Variants in STRIP2 observed in about 807,000 individuals in gnomAD.
The protein encoded by STRIP2 is striatin interacting protein 2, also known as striatin-interacting protein 2.
In STRIP2, 84 loss-of-function variants were observed where a neutral mutation model predicts 107.1. That is an observed-to-expected ratio of 0.78 (90% CI 0.66 to 0.94). The LOEUF (loss-of-function observed/expected upper bound fraction) is 0.94, where lower values mean the gene tolerates loss of function less well. Ranked by LOEUF, STRIP2 falls within the 40% of genes least tolerant of loss-of-function variation. STRIP2 has a pLI of 0.00. For synonymous variants in STRIP2, 394 were observed against 400.4 expected (o/e 0.98, Z 0.19); for missense variants, 888 against 1,034.2 (o/e 0.86, Z 1.94).
chr7:129,448,851 A>G (rs1375903536), intron 3 of STRIP2, among the ~76,000 whole-genome samples: 1 of 152,206 alleles, frequency 6.6e-6, no homozygotes, highest in Non-Finnish European at 1.5e-5. Context: ...GGAGAAAAGC[A>G]ATTACAGGAC....
chr7:129,485,695 G>A lies in STRIP2; in HGVS notation c.2371G>A (p.Asp791Asn). Residue 791 changes from aspartate to asparagine, a missense_variant, in exon 21 of 21, where the codon GAT (aspartate) becomes AAT (asparagine). Physicochemically the swap from Asp to Asn is conservative, Grantham distance 23. Transcript: ENST00000249344. ...RPQDSEFSPV[D>N]NCLQSVLGQR... ...CCAGGACTCTGAGTTTTCACCTGTG[G>A]ATAACTGCTTGCAGAGCGTACTGGG... 1 of 1,614,106 alleles carries A rather than the reference G, an allele frequency of 6.2e-7. No homozygotes were observed. Among genetic ancestry groups the A allele is most frequent in the Non-Finnish European group, 8.5e-7 (1 of 1,180,036 alleles).
intron 11 of STRIP2, 81 bp from the exon 12 acceptor site, chr7:129,459,436 G>A (rs1034451220): frequency 1.6e-6 from 2 of 1,230,006 alleles, no homozygotes; most frequent in Non-Finnish European, 1.2e-6. Flanking sequence ...AGCATGGTCT[G>A]TTGACTCTAG....
intron 19 of STRIP2, 121 bp downstream of exon 19, chr7:129,481,010 A>C: frequency 1.5e-6 from 1 of 668,628 alleles, no homozygotes; most frequent in Non-Finnish European, 2.6e-6. Flanking sequence ...AATGCTACAT[A>C]AGATTTAGCA....
At chr7:129,463,526 C>T (rs558515710) in intron 14 of STRIP2, among the ~76,000 whole-genome samples, 9 of 150,938 alleles carry the variant, frequency 6.0e-5, no homozygotes, top group Admixed American at 3.3e-4. Flanking sequence ...AGTGGAGTCT[C>T]ACTCTGTCGC....
chr7:129,482,588 G>C (rs1051469448), intron 19 of STRIP2, among the ~76,000 whole-genome samples: 1 of 151,834 alleles, frequency 6.6e-6, no homozygotes, highest in African/African-American at 2.4e-5. Context: ...ATGTTGGCCA[G>C]GGTGGTCTCA....
intron 3 of STRIP2, among the ~76,000 whole-genome samples, chr7:129,446,839 C>T (rs1003575456): frequency 1.3e-5 from 2 of 152,160 alleles, no homozygotes; most frequent in East Asian, 1.9e-4. Flanking sequence ...CTGCTGTGCA[C>T]GACCCACTTT....
rs563110441 is a variant in STRIP2 at position 129,458,513 on chromosome 7, G to C, written c.1274+63G>C. 1.8e-4 allele frequency: 246 copies of C among 1,394,952 alleles called. No individual in the cohort carries two copies. The highest frequency in any genetic ancestry group is 4.5e-4 in the South Asian group (32 of 71,838). The allele number at this position is 1,394,952 out of a possible 1,614,324, so 86.4% of individuals were successfully genotyped here. On this transcript the variant is annotated intron_variant, in intron 10 of 20. Coordinates refer to ENST00000249344, the MANE Select transcript of STRIP2 (RefSeq NM_020704.3). This position sits in a 1 kb window ranked among gnomAD's most constrained non-coding sequence, Gnocchi z 4.6. ...GTTTCAGTCTCCAAAGGCCCAAGAT[G>C]GGGTAGTCTATGTATTCAAGGCTCG...
In STRIP2 at chr7:129,440,160, C is replaced by A. The variant is rs62479488; in HGVS notation, c.199+69C>A. 8,631 of 1,355,446 alleles carry A rather than the reference C, an allele frequency of 6.4e-3. 49 individuals are homozygous for A. The highest frequency in any genetic ancestry group is 7.3e-3 in the Non-Finnish European group (6,862 of 946,428). The allele number at this position is 1,355,446 out of a possible 1,614,324, so 84.0% of individuals were successfully genotyped here. A position where few individuals can be genotyped will look rare whatever the true frequency, so the allele number is the denominator to read the frequency against. Reference sequence around the variant, plus strand: ...AGGAGAGGGAAGGGGCCTGTGATCTCCCTGGAAGCTTGTCTGTTCTCACCA... The same window carrying A: ...AGGAGAGGGAAGGGGCCTGTGATCTACCTGGAAGCTTGTCTGTTCTCACCA... On this transcript the variant is annotated intron_variant, in intron 2 of 20. Transcript: ENST00000249344.
At chr7:129,440,207 G>A in intron 2 of STRIP2, 116 bp downstream of exon 2, 1 of 804,018 alleles carries the variant, frequency 1.2e-6, no homozygotes, top group Non-Finnish European at 2.1e-6. Context: ...AACAAAGGCT[G>A]TTCTCCACAT....
chr7:129,475,079 A>G (rs1387568656), intron 18 of STRIP2, among the ~76,000 whole-genome samples: 3 of 152,224 alleles, frequency 2.0e-5, no homozygotes. Flanking sequence ...CAATCCACTA[A>G]ACTAGGAAAA....
At position 129,483,171 on chromosome 7, in the gene STRIP2, A is replaced by G. The variant is rs1217524781; in HGVS notation, c.2254+125A>G. 6 of 1,466,972 alleles carry G rather than the reference A, an allele frequency of 4.1e-6. No individual in the cohort carries two copies. Among genetic ancestry groups the G allele is most frequent in the Non-Finnish European group, 4.5e-6 (5 of 1,109,402 alleles). The allele number at this position is 1,466,972 out of a possible 1,614,324, so 90.9% of individuals were successfully genotyped here. A position where few individuals can be genotyped will look rare whatever the true frequency, so the allele number is the denominator to read the frequency against. ...ATTTTAGATGAAAAAATATGTGATT[A>G]TAGGTCAGGCGCTGATACACCAAAC... On this transcript the variant is annotated intron_variant, in intron 20 of 20. Coordinates refer to ENST00000249344, the MANE Select transcript of STRIP2 (RefSeq NM_020704.3). This position sits in a 1 kb window ranked among gnomAD's most constrained non-coding sequence, Gnocchi z 5.1.
rs771692505 is a variant in STRIP2, at chr7:129,461,837, TGA to T, written c.1477-1124_1477-1123del. Among the ~76,000 whole-genome samples the T allele has an allele frequency of 6.6e-6, 1 of 152,174 alleles. No individual in the cohort carries two copies. The highest frequency in any genetic ancestry group is 1.5e-5 in the Non-Finnish European group (1 of 68,036). On this transcript the variant is annotated intron_variant, in intron 13 of 20. Coordinates refer to ENST00000249344, the MANE Select transcript of STRIP2 (RefSeq NM_020704.3). This position sits in a 1 kb window ranked among gnomAD's most constrained non-coding sequence, Gnocchi z 4.0. ...GGTCAAGGGGAGGATGTTTTATAGC[TGA>T]GAGATACTAGAGCATTTTTTGTTTC...
chr7:129,447,681 T>C (rs749617817), intron 3 of STRIP2, among the ~76,000 whole-genome samples: 6 of 152,240 alleles, frequency 3.9e-5, no homozygotes, highest in Non-Finnish European at 8.8e-5. Flanking sequence ...AAATTGCTTC[T>C]GGCGGGCCTT....
At position 129,458,171 on chromosome 7, in the gene STRIP2, G is replaced by A; in HGVS notation, c.1039-44G>A. 1 of 1,509,696 alleles carries A rather than the reference G, an allele frequency of 6.6e-7. No individual in the cohort carries two copies. Among genetic ancestry groups the A allele is most frequent in the South Asian group, 1.1e-5 (1 of 87,372 alleles). The allele number at this position is 1,509,696 out of a possible 1,614,324, so 93.5% of individuals were successfully genotyped here. On this transcript the variant is annotated intron_variant, in intron 9 of 20. Coordinates refer to ENST00000249344, the MANE Select transcript of STRIP2 (RefSeq NM_020704.3). This position sits in a 1 kb window ranked among gnomAD's most constrained non-coding sequence, Gnocchi z 4.6. ...GGGTGGCCTCAGACAAGGATGCCCA[G>A]AGTGAGATCTCTGCATGCCTACCCT... is the stretch of plus-strand genomic sequence containing the variant.
In STRIP2 at chr7:129,462,401, C is replaced by G. The variant is rs760539167; in HGVS notation, c.1477-565C>G. On this transcript the variant is annotated intron_variant, in intron 13 of 20. Transcript: ENST00000249344. ...CAGTGGCCTGAGCAGCTTATTGGGT[C>G]CCTGAGACCCCAGCCTCCCCACTCT... is the stretch of plus-strand genomic sequence containing the variant. Among the ~76,000 whole-genome samples, 71 of 152,166 alleles carry G rather than the reference C, an allele frequency of 4.7e-4. 2 individuals carry two copies. The highest frequency in any genetic ancestry group is 5.9e-5 in the Non-Finnish European group (4 of 68,028).
Position 129,458,788 on chromosome 7 carries a change from G to T in STRIP2, c.1340+11G>T. On this transcript the variant is annotated intron_variant, in intron 11 of 20. Coordinates refer to ENST00000249344, the MANE Select transcript of STRIP2 (RefSeq NM_020704.3). This position sits in a 1 kb window ranked among gnomAD's most constrained non-coding sequence, Gnocchi z 4.6. The stretch of plus-strand genomic sequence containing the variant: ...ATTCACCCTGGGGCAGTAAGTGACT[G>T]AATGGCTGGAACTGGCTACAGAGTG... 1 of 1,614,018 alleles carries T rather than the reference G, an allele frequency of 6.2e-7. No individual in the cohort carries two copies. The highest frequency in any genetic ancestry group is 8.5e-7 in the Non-Finnish European group (1 of 1,179,884).
chr7:129,479,048 G>A (rs1799047649), intron 18 of STRIP2, among the ~76,000 whole-genome samples: 1 of 152,184 alleles, frequency 6.6e-6, no homozygotes, highest in Admixed American at 6.5e-5. Flanking sequence ...GCTGAGGGAG[G>A]TGGATCACCT....
intron 17 of STRIP2, among the ~76,000 whole-genome samples, chr7:129,470,002 C>T (rs748101239): frequency 2.0e-5 from 3 of 152,216 alleles, no homozygotes; most frequent in Non-Finnish European, 4.4e-5. Context: ...TAACTATGTC[C>T]TTGTCATAAT....
chr7:129,477,215 A>AGGGAGAGGGAGT (rs1798992545), intron 18 of STRIP2, among the ~76,000 whole-genome samples: 1 of 107,506 alleles, frequency 9.3e-6, no homozygotes, highest in African/African-American at 4.1e-5. Context: ...GGGGAGGGGG[A>AGGGAGAGGGAGT]GGGAGACTGT....
Sources: allele counts gnomAD v4.1 joint callset (sites outside exome capture counted in the v4.1 genomes callset), GRCh38; gene constraint gnomAD v4.1.1; non-coding constraint Gnocchi (gnomAD v3.1); transcripts MANE v1.5; gene names NCBI Gene and HGNC (gene_info 2026-07-23, HGNC 2026-07-21).